The following NDUFA13 variants were observed in gnomAD, a reference collection of about 807,000 sequenced individuals.
NDUFA13 encodes the protein NADH:ubiquinone oxidoreductase subunit A13, also known as NADH dehydrogenase [ubiquinone] 1 alpha subcomplex subunit 13.
Under a neutral mutation model 17.0 loss-of-function variants are expected in NDUFA13, and 16 were observed. The observed-to-expected ratio is 0.94, with a 90% confidence interval of 0.64 to 1.43. The LOEUF is 1.43. Among genes scored for constraint, NDUFA13 ranks in the 40% most tolerant of loss-of-function variants. The pLI is 0.00. For synonymous variants in NDUFA13, 87 were observed against 78.4 expected (o/e 1.11, Z -0.58); for missense variants, 228 against 206.7 (o/e 1.10, Z -0.63).
At chr19:19,526,094 C>T in intron 1 of NDUFA13, 88 bp from the exon 2 acceptor site, 1 of 1,568,434 alleles carries the variant, frequency 6.4e-7, no homozygotes, top group Non-Finnish European at 8.6e-7. Flanking sequence ...CGCCAGTGTC[C>T]CCTGATTGCA....
At chr19:19,523,884 C>T (rs550098402) in intron 1 of NDUFA13, among the ~76,000 whole-genome samples, 34 of 152,278 alleles carry the variant, frequency 2.2e-4, no homozygotes, top group African/African-American at 7.9e-4. Context: ...GGGCTGAGAT[C>T]GCACCACTGC....
Position 19,527,711 on chromosome 19 carries a change from A to G in NDUFA13, c.256A>G (p.Met86Val), listed in dbSNP as rs1431042040. The G allele has an allele frequency of 1.9e-6, 3 of 1,552,078 alleles. No individual in the cohort carries two copies. The highest frequency in any genetic ancestry group is 2.6e-6 in the Non-Finnish European group (3 of 1,147,212). Residue 86 changes from methionine to valine, a missense_variant, in exon 4 of 5, where the codon ATG becomes GTG. Physicochemically the swap from Met to Val is conservative, Grantham distance 21. Transcript: ENST00000507754. ...GCCCCATCCCCACAGGACCTTGCAG[A>G]TGCTTCGGGAGAACCTGGAGGAGGA... is the stretch of plus-strand genomic sequence containing the variant. ...QAETDRRTLQMLRENLEEEAI... is the reference protein window; with the variant it reads ...QAETDRRTLQVLRENLEEEAI...
Position 19,526,443 on chromosome 19 carries a change from G to A in NDUFA13, c.173+183G>A, listed in dbSNP as rs1485571196. ...ACTTCCACTTCTAGGCTCTGTCCTCGAGATGTCTCCATGTCTGCAATCCCA... is the reference window on the plus strand; with the variant it reads ...ACTTCCACTTCTAGGCTCTGTCCTCAAGATGTCTCCATGTCTGCAATCCCA... On this transcript the variant is annotated intron_variant, in intron 2 of 4. Coordinates refer to ENST00000507754, the MANE Select transcript of NDUFA13 (RefSeq NM_015965.7). The A allele has an allele frequency of 5.8e-6, 4 of 686,036 alleles. No individual in the cohort carries two copies. In the Admixed American group the frequency reaches 8.4e-5, roughly 14 times the overall value. The allele number at this position is 686,036 out of a possible 1,614,324, so 42.5% of individuals were successfully genotyped here.
chr19:19,516,387 C>A, intron 1 of NDUFA13, 55 bp downstream of exon 1: 3 of 1,538,576 alleles, frequency 1.9e-6, no homozygotes, highest in African/African-American at 1.4e-5. Context: ...GGCTCGGGGG[C>A]GGGGTTCCGG....
intron 1 of NDUFA13, among the ~76,000 whole-genome samples, chr19:19,524,587 C>CATGA (rs1455334146): frequency 6.6e-6 from 1 of 152,122 alleles, no homozygotes; most frequent in Non-Finnish European, 1.5e-5. Context: ...GCAGGTGGAT[C>CATGA]ATGAGGTCAG....
chr19:19,526,290 G>A lies in NDUFA13; in HGVS notation c.173+30G>A, dbSNP rs756653444. 9.3e-6 allele frequency: 15 copies of A among 1,611,674 alleles called. No homozygotes were observed. In the African/African-American group the frequency reaches 2.0e-4, roughly 22 times the overall value. On this transcript the variant is annotated intron_variant, in intron 2 of 4. Transcript: ENST00000507754. The stretch of plus-strand genomic sequence containing the variant: ...GGCCCCTGGTGGGCGTTGTCTGAAA[G>A]TGCCCCCCCGGCGAGTTGTCGGGGT...
At chr19:19,523,936 T>C (rs1203719686) in intron 1 of NDUFA13, among the ~76,000 whole-genome samples, 3 of 152,086 alleles carry the variant, frequency 2.0e-5, no homozygotes, top group Non-Finnish European at 4.4e-5. Flanking sequence ...TCTCAAAAAA[T>C]AAAATAAAAT....
chr19:19,527,306 G>C lies in NDUFA13; in HGVS notation c.199G>C (p.Ala67Pro), dbSNP rs763745128. 6 of 1,613,974 alleles carry C rather than the reference G, an allele frequency of 3.7e-6. No homozygotes were observed. Among genetic ancestry groups the C allele is most frequent in the Non-Finnish European group, 4.2e-6 (5 of 1,180,024 alleles). Residue 67 changes from alanine to proline, a missense_variant, in exon 3 of 5, where the codon GCT becomes CCT. Ala to Pro is a conservative substitution (Grantham distance 27, BLOSUM62 -1). Transcript: ENST00000507754. ...RRRLQIEDFE[A>P]RIALLPLLQA... ...GCGCCTACAAATCGAGGACTTCGAG[G>C]CTCGCATCGCGCTGTTGCCACTGTT...
intron 2 of NDUFA13, chr19:19,526,553 G>A (rs767839692): frequency 1.3e-4 from 59 of 452,150 alleles, no homozygotes; most frequent in East Asian, 2.3e-4. Context: ...CCCTGTCCTC[G>A]CCACCCCAAA....
chr19:19,520,613 G>T (rs974886510), intron 1 of NDUFA13, among the ~76,000 whole-genome samples: 3 of 152,162 alleles, frequency 2.0e-5, no homozygotes, highest in African/African-American at 4.8e-5. Context: ...CTGGGCAACA[G>T]AGTAAGACTC....
chr19:19,527,211 A>T, intron 2 of NDUFA13, 70 bp from the exon 3 acceptor site: 1 of 1,416,282 alleles, frequency 7.1e-7, no homozygotes, highest in Non-Finnish European at 9.8e-7. Context: ...CTGGCCCCTG[A>T]GGTCTGTGCT....
chr19:19,526,192 GC>G lies in NDUFA13; in HGVS notation c.106del (p.Leu36TrpfsTer3). The G allele has an allele frequency of 6.2e-7, 1 of 1,614,046 alleles. No homozygotes were observed. The highest frequency in any genetic ancestry group is 8.5e-7 in the Non-Finnish European group (1 of 1,179,994). On this transcript the variant is annotated frameshift_variant, in exon 2 of 5. Coordinates refer to ENST00000507754, the MANE Select transcript of NDUFA13 (RefSeq NM_015965.7). LOFTEE classifies it high-confidence loss of function. Reference sequence around the variant, plus strand: ...CGCCTCTCTTCACAGGCTACAGCATGCTGGCCATAGGGATTGGAACCCTGAT... The same window carrying G: ...CGCCTCTCTTCACAGGCTACAGCATGTGGCCATAGGGATTGGAACCCTGAT... ...PRRGLSGYSM[L>X]AIGIGTLIYG... is the part of the protein sequence containing the mutation.
At chr19:19,516,806 A>C (rs1158574409) in intron 1 of NDUFA13, among the ~76,000 whole-genome samples, 1 of 151,168 alleles carries the variant, frequency 6.6e-6, no homozygotes, top group Non-Finnish European at 1.5e-5. Flanking sequence ...TTTTTTTTTG[A>C]GACGGAGTTT....
At chr19:19,522,324 T>C (rs116763176) in intron 1 of NDUFA13, among the ~76,000 whole-genome samples, 2,020 of 152,062 alleles carry the variant, frequency 0.013, 37 homozygotes, top group African/African-American at 0.045. Context: ...TGTATAATAA[T>C]AATTTCAATG....
intron 1 of NDUFA13, among the ~76,000 whole-genome samples, chr19:19,524,865 C>T (rs2061093544): frequency 6.6e-6 from 1 of 151,782 alleles, no homozygotes; most frequent in Admixed American, 6.6e-5. Context: ...GGCAATATAG[C>T]AAGACCCCAT....
At chr19:19,517,975 G>T (rs1188076001) in intron 1 of NDUFA13, among the ~76,000 whole-genome samples, 1 of 151,822 alleles carries the variant, frequency 6.6e-6, no homozygotes, top group African/African-American at 2.4e-5. Flanking sequence ...TAGCCTGGGG[G>T]CTCTACAAAA....
chr19:19,516,412 C>T lies in NDUFA13; in HGVS notation c.94+80C>T, dbSNP rs1289210192. The T allele has an allele frequency of 2.7e-6, 4 of 1,485,594 alleles. No individual in the cohort carries two copies. The East Asian group carries it at 7.0e-5, about 26-fold the overall frequency. The allele number at this position is 1,485,594 out of a possible 1,614,324, so 92.0% of individuals were successfully genotyped here. On this transcript the variant is annotated intron_variant, in intron 1 of 4. Transcript: ENST00000507754. ...CGGGGTTCCGGGGACACAGGCGGGC[C>T]TCAGTTTTCCCGGCGGTGTGACCGG...
In NDUFA13 at chr19:19,526,232, A is replaced by G; in HGVS notation, c.145A>G (p.Ser49Gly). ...GIGTLIYGHW[S>G]IMKWNRERRR... ...TGGAACCCTGATCTACGGGCACTGG[A>G]GCATAATGAAGTGGAACCGTGAGCG... Residue 49 changes from serine (S) to glycine (G), a missense_variant, in exon 2 of 5, where the codon AGC (serine) becomes GGC (glycine). By Grantham distance (56) the Ser-to-Gly change is moderately conservative. Transcript: ENST00000507754. The G allele has an allele frequency of 1.9e-6, 3 of 1,614,118 alleles. No homozygotes were observed. The South Asian group carries it at 3.3e-5, about 18-fold the overall frequency.
rs1317231501 is a variant in NDUFA13, at chr19:19,527,217, G to C, written c.174-64G>C. On this transcript the variant is annotated intron_variant, in intron 2 of 4. Transcript: ENST00000507754. ...AGCAGCACCCTGGCCCCTGAGGTCT[G>C]TGCTGCCTGTGCTCCCCCGACCTAG... The C allele has an allele frequency of 2.5e-6, 4 of 1,579,684 alleles. No individual in the cohort carries two copies. The African/African-American group carries it at 5.4e-5, about 21-fold the overall frequency.
Sources: allele counts gnomAD v4.1 joint callset (sites outside exome capture counted in the v4.1 genomes callset), GRCh38; gene constraint gnomAD v4.1.1; transcripts MANE v1.5; gene names NCBI Gene and HGNC (gene_info 2026-07-23, HGNC 2026-07-21).